The following AHCYL1 variants were observed in gnomAD, a reference collection of about 807,000 sequenced individuals.
The protein encoded by AHCYL1 is adenosylhomocysteinase like 1, also known as S-adenosylhomocysteine hydrolase-like protein 1.
AHCYL1 carries 20 observed loss-of-function variants against 79.3 expected under a neutral mutation model. The ratio of observed to expected loss-of-function variants is 0.25; its 90% confidence interval spans 0.18 to 0.37. AHCYL1 has a LOEUF of 0.37. Ranked by LOEUF, AHCYL1 falls within the 10% of genes least tolerant of loss-of-function variation. The pLI is 1.00. For synonymous variants in AHCYL1, 223 were observed against 242.2 expected, an observed-to-expected ratio of 0.92 and a Z score of 0.74; for missense variants, 330 against 673.6, an observed-to-expected ratio of 0.49 and a Z score of 5.65.
intron 1 of AHCYL1, chr1:110,000,947 A>T (rs1650277247): frequency 2.6e-5 from 26 of 985,172 alleles, no homozygotes; most frequent in Non-Finnish European, 3.1e-5. Context: ...ACTTAAAGTC[A>T]TATAAATCTA....
chr1:109,998,402 C>T (rs1650131262), intron 1 of AHCYL1, among the ~76,000 whole-genome samples: 1 of 152,086 alleles, frequency 6.6e-6, no homozygotes, highest in African/African-American at 2.4e-5. Context: ...AGGAGGATCC[C>T]CTGAGCCCAG....
In AHCYL1 at chr1:110,017,528, C is replaced by T; in HGVS notation, c.997C>T (p.Leu333Phe). The T allele has an allele frequency of 6.2e-7, 1 of 1,614,122 alleles. No individual in the cohort carries two copies. The highest frequency in any genetic ancestry group is 1.1e-5 in the South Asian group (1 of 91,078). ...GGGCTGCTGTGCTGCTCTCAAAGCT[C>T]TTGGAGCAATTGTCTACATTACCGA... ...GKGCCAALKA[L>F]GAIVYITEID... is the part of the protein sequence containing the mutation. Residue 333 changes from leucine (L) to phenylalanine (F), a missense_variant, in exon 10 of 17, where the codon CTT becomes TTT. By Grantham distance (22) the Leu-to-Phe change is conservative. Transcript: ENST00000369799.
rs1650864553 is a variant in AHCYL1, at chr1:110,009,241, A to T, written c.232+96A>T. 6 of 1,074,380 alleles carry T rather than the reference A, an allele frequency of 5.6e-6. No individual in the cohort carries two copies. The Admixed American group carries it at 1.1e-4, about 19-fold the overall frequency. 66.6% of individuals were successfully genotyped at this position (1,074,380 alleles called of 1,614,324 possible). On this transcript the variant is annotated intron_variant, in intron 2 of 16. Coordinates refer to ENST00000369799, the MANE Select transcript of AHCYL1 (RefSeq NM_006621.7). ...CAATCTGAAAATACCTCATGTTATG[A>T]CTGCCCACCTTTGTGCTGAAAACTG...
chr1:110,020,970 G>A (rs1434779950), intron 16 of AHCYL1, 119 bp downstream of exon 16: 3 of 1,441,610 alleles, frequency 2.1e-6, no homozygotes, highest in African/African-American at 2.9e-5. Context: ...CAAGAAATCT[G>A]TTCCAGGCCA....
In AHCYL1 at chr1:110,017,929, C is replaced by A; in HGVS notation, c.1053-17C>A. 1.2e-6 allele frequency: 2 copies of A among 1,613,656 alleles called. No homozygotes were observed. Among genetic ancestry groups the A allele is most frequent in the Non-Finnish European group, 1.7e-6 (2 of 1,179,586 alleles). ...GCCTTCTTGCTTTACTCATAGTGTTCCTTTCTTTTCTTCCAGCATGGATGG... is the reference window on the plus strand; with the variant it reads ...GCCTTCTTGCTTTACTCATAGTGTTACTTTCTTTTCTTCCAGCATGGATGG... On this transcript the variant is annotated splice_polypyrimidine_tract_variant and intron_variant, in intron 10 of 16. Coordinates refer to ENST00000369799, the MANE Select transcript of AHCYL1 (RefSeq NM_006621.7).
intron 1 of AHCYL1, among the ~76,000 whole-genome samples, chr1:110,003,125 T>C (rs768773907): frequency 3.4e-4 from 52 of 152,308 alleles, no homozygotes; most frequent in Non-Finnish European, 6.6e-4. Context: ...TAAATAAATA[T>C]TCTTGAGAAA....
intron 1 of AHCYL1, among the ~76,000 whole-genome samples, chr1:109,996,470 C>T (rs922642469): frequency 2.6e-5 from 4 of 152,316 alleles, no homozygotes; most frequent in Middle Eastern, 3.4e-3. Flanking sequence ...AGCTGACATT[C>T]TTGTGAGGTT....
intron 1 of AHCYL1, among the ~76,000 whole-genome samples, chr1:110,000,380 A>G (rs1276715652): frequency 1.3e-5 from 2 of 152,326 alleles, no homozygotes; most frequent in South Asian, 4.1e-4. Context: ...GTATTCTAGA[A>G]TGGAACATTT....
intron 5 of AHCYL1, among the ~76,000 whole-genome samples, chr1:110,014,225 C>G (rs1465528687): frequency 1.3e-5 from 2 of 152,216 alleles, no homozygotes; most frequent in Non-Finnish European, 2.9e-5. Flanking sequence ...ACCCTACAAT[C>G]CCACTACATA....
intron 1 of AHCYL1, among the ~76,000 whole-genome samples, chr1:109,986,327 T>C (rs1249306467): frequency 7.7e-6 from 1 of 130,438 alleles, no homozygotes; most frequent in Non-Finnish European, 1.5e-5. Context: ...GATGGCTCTT[T>C]TTTTTTTTTT....
At chr1:110,004,703 G>A (rs1001636515) in intron 1 of AHCYL1, among the ~76,000 whole-genome samples, 1 of 152,122 alleles carries the variant, frequency 6.6e-6, no homozygotes, top group Non-Finnish European at 1.5e-5. Flanking sequence ...TTTGAGCCCA[G>A]CAGTTTGCAG....
In AHCYL1 at chr1:110,017,566, C is replaced by A. The variant is rs1651498213; in HGVS notation, c.1035C>A (p.Ile345=). 2.5e-6 allele frequency: 4 copies of A among 1,613,998 alleles called. No homozygotes were observed. In the Admixed American group the frequency reaches 5.0e-5, roughly 20 times the overall value. The part of the protein sequence containing the change: ...AIVYITEIDP[I]CALQACMDGF... ...TCTACATTACCGAAATCGACCCCAT[C>A]TGTGCTCTGCAGGCCTGGTAAGAAC... is the stretch of plus-strand genomic sequence containing the variant. Residue 345 remains isoleucine (I), a synonymous_variant, in exon 10 of 17, where the codon ATC becomes ATA. Coordinates refer to ENST00000369799, the MANE Select transcript of AHCYL1 (RefSeq NM_006621.7).
At chr1:110,004,532 G>A (rs1650524348) in intron 1 of AHCYL1, 1 of 973,148 alleles carries the variant, frequency 1.0e-6, no homozygotes, top group Non-Finnish European at 1.2e-6. Flanking sequence ...GAAGTGAAAG[G>A]TATTCAGACT....
chr1:110,014,955 T>TTG, intron 6 of AHCYL1, 98 bp downstream of exon 6: 1 of 1,134,692 alleles, frequency 8.8e-7, no homozygotes, highest in Non-Finnish European at 1.3e-6. Context: ...TGTTTGGTCT[T>TTG]ATGCACTGAC....
intron 2 of AHCYL1, 97 bp downstream of exon 2, chr1:110,009,242 C>T: frequency 1.9e-6 from 2 of 1,067,842 alleles, no homozygotes. Context: ...CATGTTATGA[C>T]TGCCCACCTT....
At chr1:110,013,722 CAAT>C (rs1651219904) in intron 5 of AHCYL1, among the ~76,000 whole-genome samples, 1 of 151,708 alleles carries the variant, frequency 6.6e-6, no homozygotes, top group African/African-American at 2.4e-5. Flanking sequence ...AAATTAATAA[CAAT>C]AATAATAATT....
chr1:109,986,335 T>C (rs1649467691), intron 1 of AHCYL1, among the ~76,000 whole-genome samples: 1 of 152,112 alleles, frequency 6.6e-6, no homozygotes, highest in Non-Finnish European at 1.5e-5. Context: ...TTTTTTTTTT[T>C]TTTAAGTGAA....
rs1321539934 is a variant in AHCYL1 at position 109,984,909 on chromosome 1, C to G, written c.-144C>G. 2.2e-5 allele frequency: 28 copies of G among 1,278,510 alleles called. No homozygotes were observed. Among genetic ancestry groups the G allele is most frequent in the Non-Finnish European group, 2.6e-5 (26 of 1,003,268 alleles). The allele number at this position is 1,278,510 out of a possible 1,614,324, so 79.2% of individuals were successfully genotyped here. On this transcript the variant is annotated 5_prime_UTR_variant, in exon 1 of 17. Transcript: ENST00000369799. ...AGACAAGGCGTGGGCCACAGCACCT[C>G]AGAAGCCGACGCAGCTCGACGCAGG...
At position 110,011,366 on chromosome 1, in the gene AHCYL1, A is replaced by G; in HGVS notation, c.376+9A>G. ...TGAGATTGCAGAGCAAGGTAAAGAA[A>G]GGGAGTGGGTTAGGGGACCAGAAAC... On this transcript the variant is annotated intron_variant, in intron 3 of 16. Coordinates refer to ENST00000369799, the MANE Select transcript of AHCYL1 (RefSeq NM_006621.7). 1.9e-6 allele frequency: 3 copies of G among 1,613,814 alleles called. No homozygotes were observed. The highest frequency in any genetic ancestry group is 2.5e-6 in the Non-Finnish European group (3 of 1,179,866).
Sources: gnomAD v4.1 joint callset for allele counts (sites outside exome capture counted in the v4.1 genomes callset) on GRCh38, gnomAD v4.1.1 for gene constraint, MANE v1.5 for transcripts, NCBI Gene and HGNC (gene_info 2026-07-23, HGNC 2026-07-21) for gene names.